The following RMDN1 variants were observed in gnomAD, a reference collection of about 807,000 sequenced individuals.
The protein encoded by RMDN1 is regulator of microtubule dynamics 1.
RMDN1 carries 48 observed loss-of-function variants against 48.9 expected under a neutral mutation model. That is an observed-to-expected ratio of 0.98 (90% confidence interval 0.78 to 1.25). The LOEUF is 1.25. Ranked by LOEUF, RMDN1 falls within the 50% of genes most tolerant of loss-of-function variation. The pLI is 0.00. For synonymous variants in RMDN1, 148 were observed against 132.6 expected (o/e 1.12, Z -0.80); for missense variants, 418 against 373.4 (o/e 1.12, Z -0.98).
chr8:86,468,280 A>G (rs1471165692), downstream of RMDN1: 6 of 400,896 alleles, frequency 1.5e-5, no homozygotes, highest in African/African-American at 1.3e-4. Context: ...TGTTTTGCCA[A>G]AATTTTATTT....
chr8:86,488,128 TC>T (rs1815806961), intron 3 of RMDN1, among the ~76,000 whole-genome samples: 1 of 152,166 alleles, frequency 6.6e-6, no homozygotes, highest in Non-Finnish European at 1.5e-5. Flanking sequence ...AGACTATCCT[TC>T]TAAAGTAATA....
chr8:86,513,378 A>G (rs185245154), upstream of RMDN1, among the ~76,000 whole-genome samples: 13 of 152,356 alleles, frequency 8.5e-5, no homozygotes, highest in East Asian at 1.9e-3. Context: ...TGCGTCTCAA[A>G]AAAATAAAAA....
intron 8 of RMDN1, among the ~76,000 whole-genome samples, chr8:86,475,985 G>A (rs1455231922): frequency 1.3e-5 from 2 of 152,136 alleles, no homozygotes; most frequent in East Asian, 3.9e-4. Context: ...TCTTACACAT[G>A]TAAATGTTCA....
chr8:86,513,200 C>A (rs1820141078), upstream of RMDN1, among the ~76,000 whole-genome samples: 3 of 151,976 alleles, frequency 2.0e-5, no homozygotes. Context: ...CATGGAGAAG[C>A]CCTGGCTCTA....
At position 86,472,498 on chromosome 8, in the gene RMDN1, A is replaced by G. The variant is rs754055066; in HGVS notation, c.*1810T>C. 1 of 702,338 alleles carries G rather than the reference A, an allele frequency of 1.4e-6. No individual in the cohort carries two copies. The highest frequency in any genetic ancestry group is 1.5e-5 in the South Asian group (1 of 67,562). 43.5% of individuals were successfully genotyped at this position (702,338 alleles called of 1,614,324 possible). ...TCTTCACCTACAAAAATAAAATTACAGTATACAATAACCTTTTAAAATACA... is the reference window on the plus strand; with the variant it reads ...TCTTCACCTACAAAAATAAAATTACGGTATACAATAACCTTTTAAAATACA... On this transcript the variant is annotated 3_prime_UTR_variant, in exon 10 of 10. Coordinates refer to ENST00000406452, the MANE Select transcript of RMDN1 (RefSeq NM_016033.3).
chr8:86,500,371 C>A (rs181652470), intron 2 of RMDN1, among the ~76,000 whole-genome samples: 21 of 151,968 alleles, frequency 1.4e-4, no homozygotes, highest in Admixed American at 3.3e-4. Flanking sequence ...GGGCAAAAGA[C>A]ATGAACACTT....
At position 86,506,793 on chromosome 8, in the gene RMDN1, C is replaced by T. The variant is rs566178667; in HGVS notation, c.247+202G>A. Among the ~76,000 whole-genome samples, 21 of 152,284 alleles carry T rather than the reference C, an allele frequency of 1.4e-4. No homozygotes were observed. The South Asian group carries it at 3.7e-3, about 27-fold the overall frequency. On this transcript the variant is annotated intron_variant, in intron 2 of 9. Coordinates refer to ENST00000406452, the MANE Select transcript of RMDN1 (RefSeq NM_016033.3). The stretch of plus-strand genomic sequence containing the variant: ...AAAAGGTGACCTTCTTCCAACTTCA[C>T]GTCAACTTCTGGCTCCTCAAACAGT...
In RMDN1 at chr8:86,507,197, C is replaced by T. The variant is rs1171977880; in HGVS notation, c.130-85G>A. On this transcript the variant is annotated intron_variant, in intron 1 of 9. Transcript: ENST00000406452. ...CAAGCAAAAATTACATGAATTTTCT[C>T]CCACCCCCAAAGCAATCGATCATAA... 6.5e-5 allele frequency: 50 copies of T among 770,792 alleles called. No individual in the cohort carries two copies. The Admixed American group carries it at 1.0e-3, about 16-fold the overall frequency. 47.7% of individuals were successfully genotyped at this position (770,792 alleles called of 1,614,324 possible).
intron 2 of RMDN1, among the ~76,000 whole-genome samples, chr8:86,501,504 C>T (rs1415449569): frequency 6.6e-6 from 1 of 152,064 alleles, no homozygotes; most frequent in Non-Finnish European, 1.5e-5. Flanking sequence ...GAAACCTCGT[C>T]TCTACAAAAA....
Position 86,472,357 on chromosome 8 carries a change from C to CA in RMDN1, c.*1950dup. Reference sequence around the variant, plus strand: ...ACAGGTCACAGTCAAAATGCAGGTGCACAACACAGTTTATTCGGTCTCCCT... The same window carrying CA: ...ACAGGTCACAGTCAAAATGCAGGTGCAACAACACAGTTTATTCGGTCTCCCT... On this transcript the variant is annotated 3_prime_UTR_variant, in exon 10 of 10. Coordinates refer to ENST00000406452, the MANE Select transcript of RMDN1 (RefSeq NM_016033.3). 2 of 694,544 alleles carry CA rather than the reference C, an allele frequency of 2.9e-6. No homozygotes were observed. Among genetic ancestry groups the CA allele is most frequent in the Non-Finnish European group, 5.2e-6 (2 of 381,994 alleles). The allele number at this position is 694,544 out of a possible 1,614,324, so 43.0% of individuals were successfully genotyped here.
chr8:86,503,815 C>T (rs796985608), intron 2 of RMDN1: 3 of 534,396 alleles, frequency 5.6e-6, no homozygotes, highest in Non-Finnish European at 1.1e-5. Flanking sequence ...GCTCCTTTTC[C>T]GTTAGACTCT....
intron 2 of RMDN1, among the ~76,000 whole-genome samples, chr8:86,493,672 G>C (rs886300880): frequency 1.8e-4 from 28 of 152,150 alleles, no homozygotes; most frequent in African/African-American, 5.3e-4. Flanking sequence ...AAAACTTTGT[G>C]AGAGCCAACA....
At chr8:86,502,875 A>G (rs772452434) in intron 2 of RMDN1, among the ~76,000 whole-genome samples, 4 of 152,186 alleles carry the variant, frequency 2.6e-5, no homozygotes, top group Admixed American at 6.5e-5. Context: ...CAACCCTTTA[A>G]AAATGTAAAA....
chr8:86,494,106 C>T (rs1816937129), intron 2 of RMDN1, among the ~76,000 whole-genome samples: 1 of 152,034 alleles, frequency 6.6e-6, no homozygotes, highest in African/African-American at 2.4e-5. Flanking sequence ...TTCAGTTAGA[C>T]AGGAGGAATA....
intron 5 of RMDN1, among the ~76,000 whole-genome samples, chr8:86,484,151 G>A (rs1281299347): frequency 6.6e-6 from 1 of 152,164 alleles, no homozygotes; most frequent in East Asian, 1.9e-4. Context: ...CAAGTGTGAT[G>A]CAAGCAGAGG....
intron 3 of RMDN1, 102 bp from the exon 4 acceptor site, chr8:86,486,745 GC>G: frequency 1.3e-6 from 1 of 796,166 alleles, no homozygotes; most frequent in Non-Finnish European, 1.8e-6. Flanking sequence ...AGCTTAGGAA[GC>G]TAGCAACATG....
At chr8:86,499,636 T>C (rs1476120673) in intron 2 of RMDN1, among the ~76,000 whole-genome samples, 2 of 152,210 alleles carry the variant, frequency 1.3e-5, no homozygotes, top group Admixed American at 6.5e-5. Flanking sequence ...CAGATTCTTA[T>C]TTGTTATTCC....
At chr8:86,478,857 A>C in intron 7 of RMDN1, 66 bp downstream of exon 7, 2 of 1,240,054 alleles carry the variant, frequency 1.6e-6, no homozygotes, top group South Asian at 2.4e-5. Flanking sequence ...CACATGTGTG[A>C]ACACATGGTA....
upstream of RMDN1, chr8:86,508,712 G>C (rs1819844222): frequency 1.5e-6 from 2 of 1,341,048 alleles, no homozygotes. Flanking sequence ...GGAAAGAACC[G>C]CGCCCGCCCG....
Sources: allele counts gnomAD v4.1 joint callset (sites outside exome capture counted in the v4.1 genomes callset), GRCh38; gene constraint gnomAD v4.1.1; transcripts MANE v1.5; gene names NCBI Gene and HGNC (gene_info 2026-07-23, HGNC 2026-07-21).